Variants in GAREM1 observed in about 807,000 individuals in gnomAD.
GAREM1 encodes the protein GRB2-associated and regulator of MAPK protein 1.
Under a neutral mutation model 71.3 loss-of-function variants are expected in GAREM1, and 26 were observed. That is an observed-to-expected ratio of 0.36 (90% CI 0.27 to 0.51). GAREM1 has a LOEUF of 0.51. GAREM1 is among the 20% of genes least tolerant of loss of function. The pLI, the probability that GAREM1 is intolerant of heterozygous loss-of-function variation, is 0.95. For synonymous variants in GAREM1, 440 were observed against 433.2 expected (o/e 1.02, Z -0.20); for missense variants, 1,026 against 1,103.1 (o/e 0.93, Z 0.99).
intron 2 of GAREM1, among the ~76,000 whole-genome samples, chr18:32,342,811 T>C (rs2047659818): frequency 6.6e-6 from 1 of 152,210 alleles, no homozygotes; most frequent in Non-Finnish European, 1.5e-5. Flanking sequence ...TCAGAAGACT[T>C]TGCAGCAAAG....
At chr18:32,469,397 G>C (rs990559579) in intron 1 of GAREM1, among the ~76,000 whole-genome samples, 1 of 152,162 alleles carries the variant, frequency 6.6e-6, no homozygotes, top group Non-Finnish European at 1.5e-5. Flanking sequence ...GCTTCTTTCT[G>C]CAAACAGTCT....
chr18:32,376,603 C>A (rs2048032287), intron 2 of GAREM1, among the ~76,000 whole-genome samples: 1 of 151,834 alleles, frequency 6.6e-6, no homozygotes, highest in African/African-American at 2.4e-5. Context: ...TTTGGGAGGC[C>A]GAGGCTGGTG....
chr18:32,319,880 A>G (rs774776334), intron 2 of GAREM1, among the ~76,000 whole-genome samples: 2 of 152,244 alleles, frequency 1.3e-5, no homozygotes, highest in Non-Finnish European at 2.9e-5. Flanking sequence ...CATCCCATGC[A>G]TATACCATAA....
chr18:32,455,420 AAAT>A (rs1234018346), intron 1 of GAREM1, among the ~76,000 whole-genome samples: 2 of 152,182 alleles, frequency 1.3e-5, no homozygotes, highest in African/African-American at 2.4e-5. Flanking sequence ...CTCCTACAAA[AAAT>A]AATGGGGGAA....
chr18:32,379,577 G>A (rs781392886), intron 2 of GAREM1, among the ~76,000 whole-genome samples: 4 of 148,280 alleles, frequency 2.7e-5, no homozygotes, highest in Non-Finnish European at 4.5e-5. Context: ...GGTGGTGTGC[G>A]CCTGTAGTCC....
intron 1 of GAREM1, among the ~76,000 whole-genome samples, chr18:32,415,886 G>A (rs1185619958): frequency 6.6e-6 from 1 of 151,990 alleles, no homozygotes; most frequent in African/African-American, 2.4e-5. Flanking sequence ...AAGCACACAA[G>A]AGAAGGAAAT....
chr18:32,444,394 T>C (rs886616990), intron 1 of GAREM1, among the ~76,000 whole-genome samples: 9 of 152,182 alleles, frequency 5.9e-5, no homozygotes, highest in Admixed American at 5.9e-4. Flanking sequence ...CTTGCTTAAA[T>C]GCCAATGGCT....
chr18:32,287,185 G>A lies in GAREM1; in HGVS notation c.1412C>T (p.Ser471Phe). ...GKPSHQPLTR[S>F]LSEKNRCDQF... Reference sequence around the variant, plus strand: ...ATCACATCTGTTCTTCTCGCTCAGAGAGCGAGTGAGAGGCTGATGGCTGGG... The same window carrying A: ...ATCACATCTGTTCTTCTCGCTCAGAAAGCGAGTGAGAGGCTGATGGCTGGG... Residue 471 changes from serine (S) to phenylalanine (F), a missense_variant, in exon 4 of 6, where the codon TCT (serine) becomes TTT (phenylalanine). Ser to Phe is a radical substitution (Grantham distance 155). Coordinates refer to ENST00000269209, the MANE Select transcript of GAREM1 (RefSeq NM_001242409.2). The surrounding 1 kb of genome is among the most constrained non-coding windows in gnomAD (Gnocchi z 5.9). The A allele has an allele frequency of 6.2e-7, 1 of 1,614,258 alleles. No individual in the cohort carries two copies. The highest frequency in any genetic ancestry group is 8.5e-7 in the Non-Finnish European group (1 of 1,180,048).
At chr18:32,354,878 T>A (rs1379565728) in intron 2 of GAREM1, among the ~76,000 whole-genome samples, 1 of 152,218 alleles carries the variant, frequency 6.6e-6, no homozygotes, top group Non-Finnish European at 1.5e-5. Flanking sequence ...ATGGTAAATT[T>A]ACCATGGAGA....
At chr18:32,343,194 T>C (rs17743573) in intron 2 of GAREM1, among the ~76,000 whole-genome samples, 20,143 of 151,954 alleles carry the variant, frequency 0.13, 1,645 homozygotes, top group East Asian at 0.26. Context: ...GTACACTACG[T>C]AGAAAATGCC....
chr18:32,402,007 C>CA (rs2048320275), intron 1 of GAREM1, among the ~76,000 whole-genome samples: 1 of 151,566 alleles, frequency 6.6e-6, no homozygotes, highest in African/African-American at 2.4e-5. Flanking sequence ...CTGCTTTAGG[C>CA]AAAAAAAGTT....
chr18:32,457,263 AAAG>A (rs1454756249), intron 1 of GAREM1, among the ~76,000 whole-genome samples: 1 of 126,046 alleles, frequency 7.9e-6, no homozygotes, highest in African/African-American at 3.0e-5. Context: ...GTGTGTGTAG[AAAG>A]AACAGAGAAT....
chr18:32,412,219 A>C (rs2048426703), intron 1 of GAREM1: 1 of 1,572,026 alleles, frequency 6.4e-7, no homozygotes, highest in Non-Finnish European at 8.6e-7. Context: ...CCTAATTAAA[A>C]TCTTCTGCCA....
chr18:32,379,564 C>T (rs1390523801), intron 2 of GAREM1, among the ~76,000 whole-genome samples: 1 of 144,990 alleles, frequency 6.9e-6, no homozygotes, highest in Admixed American at 6.9e-5. Flanking sequence ...ATTAGCTGGG[C>T]GTGGTGGTGT....
chr18:32,398,365 A>G (rs915329973), intron 1 of GAREM1, among the ~76,000 whole-genome samples: 1 of 152,206 alleles, frequency 6.6e-6, no homozygotes, highest in African/African-American at 2.4e-5. Context: ...AAAAAAATCA[A>G]TGAATTCCAG....
chr18:32,441,592 A>C (rs530068969), intron 1 of GAREM1, among the ~76,000 whole-genome samples: 21 of 152,322 alleles, frequency 1.4e-4, no homozygotes, highest in African/African-American at 5.1e-4. Flanking sequence ...GCGCACCCAG[A>C]CACAAACATC....
At chr18:32,434,812 G>C (rs1269513561) in intron 1 of GAREM1, among the ~76,000 whole-genome samples, 7 of 152,074 alleles carry the variant, frequency 4.6e-5, no homozygotes, top group Admixed American at 4.6e-4. Flanking sequence ...GTGGGCAAAG[G>C]TTTAAGCAAG....
chr18:32,285,348 G>A (rs555093700), intron 4 of GAREM1, among the ~76,000 whole-genome samples: 34 of 152,266 alleles, frequency 2.2e-4, no homozygotes, highest in Non-Finnish European at 3.7e-4. Context: ...AGCTAAGCGT[G>A]GAGCCTGGCA....
chr18:32,468,629 G>C (rs1308074046), intron 1 of GAREM1, among the ~76,000 whole-genome samples: 2 of 152,184 alleles, frequency 1.3e-5, no homozygotes, highest in African/African-American at 4.8e-5. Flanking sequence ...GGCAGGGATA[G>C]AAAAGTGGGA....
Sources: gnomAD v4.1 joint callset for allele counts (sites outside exome capture counted in the v4.1 genomes callset) on GRCh38, gnomAD v4.1.1 for gene constraint, Gnocchi (gnomAD v3.1) non-coding constraint, MANE v1.5 for transcripts, NCBI Gene and HGNC (gene_info 2026-07-23, HGNC 2026-07-21) for gene names.